The following OTUD7B variants were observed in gnomAD, a reference collection of about 807,000 sequenced individuals.
OTUD7B encodes the protein OTU domain-containing protein 7B.
A neutral mutation model predicts 82.2 loss-of-function variants in OTUD7B; 34 were observed. That is an observed-to-expected ratio of 0.41 (90% CI 0.31 to 0.55). The LOEUF is 0.55. OTUD7B is among the 20% of genes least tolerant of loss of function. OTUD7B has a pLI of 0.20. For synonymous variants in OTUD7B, 398 were observed against 402.7 expected (o/e 0.99, Z 0.14); for missense variants, 944 against 1,062.1 (o/e 0.89, Z 1.55).
chr1:149,964,573 T>A (rs1649392854), intron 5 of OTUD7B, among the ~76,000 whole-genome samples: 1 of 151,738 alleles, frequency 6.6e-6, no homozygotes, highest in Admixed American at 6.6e-5. Context: ...AATTTTTTGT[T>A]TATTTGGTTT....
At chr1:150,032,716 A>G in the OTUD7B span, among the ~76,000 whole-genome samples, 32 of 151,366 alleles carry the variant, frequency 2.1e-4, no homozygotes, top group African/African-American at 3.2e-4. Context: ...AGGAGGAGGA[A>G]GAAGAAGAAG....
At chr1:150,013,981 T>TAC (rs1402972826), upstream of OTUD7B, among the ~76,000 whole-genome samples, 1 of 129,984 alleles carries the variant, frequency 7.7e-6, no homozygotes, top group Non-Finnish European at 1.7e-5. Flanking sequence ...CACATATATA[T>TAC]ACACACACAT....
chr1:150,010,037 T>TA (rs1186083205), intron 1 of OTUD7B, among the ~76,000 whole-genome samples: 4 of 152,064 alleles, frequency 2.6e-5, no homozygotes, highest in African/African-American at 9.7e-5. Context: ...AGAATAAGCT[T>TA]ATTTGCTTTT....
At chr1:150,038,206 C>T in the OTUD7B span, among the ~76,000 whole-genome samples, 1 of 152,144 alleles carries the variant, frequency 6.6e-6, no homozygotes, top group Non-Finnish European at 1.5e-5. Flanking sequence ...ATTACTGACA[C>T]ATTTAAATGA....
intron 1 of OTUD7B, among the ~76,000 whole-genome samples, chr1:149,985,679 T>G (rs73011910): frequency 0.019 from 2,880 of 151,922 alleles, 79 homozygotes; most frequent in African/African-American, 0.063. Flanking sequence ...GCACAGAAGG[T>G]TGATGCTGCA....
the OTUD7B span, among the ~76,000 whole-genome samples, chr1:150,058,458 G>A: frequency 3.3e-5 from 5 of 152,174 alleles, no homozygotes; most frequent in African/African-American, 1.2e-4. Context: ...GCAGTAAGCC[G>A]AGTTATGATT....
intron 1 of OTUD7B, among the ~76,000 whole-genome samples, chr1:149,995,796 T>C (rs1651884989): frequency 6.6e-6 from 1 of 152,192 alleles, no homozygotes; most frequent in Non-Finnish European, 1.5e-5. Flanking sequence ...ATCCCAGGTA[T>C]GGCACACGGT....
chr1:150,017,276 G>T, the OTUD7B span, among the ~76,000 whole-genome samples: 1 of 152,118 alleles, frequency 6.6e-6, no homozygotes, highest in Admixed American at 6.5e-5. Flanking sequence ...TTGTAAATAA[G>T]ATTTATCAGC....
At chr1:149,998,041 A>G (rs953314274) in intron 1 of OTUD7B, among the ~76,000 whole-genome samples, 1 of 152,172 alleles carries the variant, frequency 6.6e-6, no homozygotes, top group African/African-American at 2.4e-5. Context: ...CACTTCGGAG[A>G]GGCATCAGAA....
At chr1:149,966,838 G>C (rs1649544681) in intron 4 of OTUD7B, among the ~76,000 whole-genome samples, 1 of 152,156 alleles carries the variant, frequency 6.6e-6, no homozygotes, top group Non-Finnish European at 1.5e-5. Context: ...TTTAATGCCT[G>C]ATTAGCTTTT....
chr1:149,996,510 A>G (rs1651935409), intron 1 of OTUD7B, among the ~76,000 whole-genome samples: 1 of 152,252 alleles, frequency 6.6e-6, no homozygotes, highest in Admixed American at 6.5e-5. Context: ...TTAGAGCTAT[A>G]TCTAAATCCT....
the OTUD7B span, among the ~76,000 whole-genome samples, chr1:150,062,609 C>G: frequency 6.6e-6 from 1 of 151,628 alleles, no homozygotes; most frequent in African/African-American, 2.4e-5. Flanking sequence ...AGTGCACAGT[C>G]TACATTTTGA....
chr1:149,965,694 TA>T lies in OTUD7B; in HGVS notation c.604+82del. On this transcript the variant is annotated intron_variant, in intron 5 of 11. Transcript: ENST00000581312. ...CATCATTTCCGCCTAAGATCAAGGT[TA>T]TCTGGATCAAGTCCTACACATGAGA... is the stretch of plus-strand genomic sequence containing the variant. 3.2e-6 allele frequency: 3 copies of T among 950,244 alleles called. No individual in the cohort carries two copies. The South Asian group carries it at 4.2e-5, about 13-fold the overall frequency. 58.9% of individuals were successfully genotyped at this position (950,244 alleles called of 1,614,324 possible). A position where few individuals can be genotyped will look rare whatever the true frequency, so the allele number is the denominator to read the frequency against.
chr1:149,976,716 T>C (rs1171233787), intron 2 of OTUD7B, among the ~76,000 whole-genome samples: 1 of 151,004 alleles, frequency 6.6e-6, no homozygotes, highest in Non-Finnish European at 1.5e-5. Flanking sequence ...TCACTCAACA[T>C]AGAATTACCC....
intron 1 of OTUD7B, among the ~76,000 whole-genome samples, chr1:149,983,921 T>A (rs1407137808): frequency 6.6e-6 from 1 of 152,202 alleles, no homozygotes; most frequent in Non-Finnish European, 1.5e-5. Context: ...CCACTTTATC[T>A]CTTCTTACCT....
At chr1:150,041,115 T>C in the OTUD7B span, among the ~76,000 whole-genome samples, 1 of 152,290 alleles carries the variant, frequency 6.6e-6, no homozygotes, top group African/African-American at 2.4e-5. Context: ...TCATGTTAAC[T>C]ATATTGTGCT....
chr1:149,998,457 T>C (rs951765840), intron 1 of OTUD7B, among the ~76,000 whole-genome samples: 5 of 152,228 alleles, frequency 3.3e-5, no homozygotes, highest in Non-Finnish European at 5.9e-5. Flanking sequence ...GGTAAAACAC[T>C]GTGCTACAAA....
intron 4 of OTUD7B, 117 bp from the exon 5 acceptor site, chr1:149,965,995 A>G: frequency 1.5e-6 from 1 of 679,394 alleles, no homozygotes; most frequent in South Asian, 1.8e-5. Context: ...GAATAAAACC[A>G]TCACTTGATT....
the OTUD7B span, among the ~76,000 whole-genome samples, chr1:150,019,025 C>T: frequency 2.6e-5 from 4 of 152,124 alleles, no homozygotes; most frequent in Non-Finnish European, 4.4e-5. Context: ...TGGAATACCC[C>T]GATCTAGACA....
Sources: allele counts gnomAD v4.1 joint callset (sites outside exome capture counted in the v4.1 genomes callset), GRCh38; gene constraint gnomAD v4.1.1; transcripts MANE v1.5; gene names NCBI Gene and HGNC (gene_info 2026-07-23, HGNC 2026-07-21).